CTNND2: variants seen among roughly 807,000 people sequenced by gnomAD.
CTNND2 encodes catenin delta-2.
A neutral mutation model predicts 144.4 loss-of-function variants in CTNND2; 22 were observed. The observed-to-expected ratio is 0.15, with a 90% CI of 0.11 to 0.22. CTNND2 has a LOEUF of 0.22. CTNND2 is among the 10% of genes least tolerant of loss of function. The probability of loss-of-function intolerance (pLI) is 1.00; values close to 1 mark genes in which losing one functional copy is unlikely to be tolerated. For synonymous variants in CTNND2, 751 were observed against 695.6 expected, an observed-to-expected ratio of 1.08 and a Z score of -1.25; for missense variants, 1,353 against 1,618.8, an observed-to-expected ratio of 0.84 and a Z score of 2.82.
At chr5:11,200,507 C>T (rs1031852255) in intron 10 of CTNND2, among the ~76,000 whole-genome samples, 10 of 152,164 alleles carry the variant, frequency 6.6e-5, no homozygotes, top group African/African-American at 1.9e-4. Context: ...GAGCATGATT[C>T]GTGCAGGAAT....
At chr5:11,252,879 T>C (rs1365436738) in intron 9 of CTNND2, among the ~76,000 whole-genome samples, 1 of 152,240 alleles carries the variant, frequency 6.6e-6, no homozygotes, top group Non-Finnish European at 1.5e-5. Flanking sequence ...ACTAACACCA[T>C]GTTTCTTATG....
At chr5:11,299,035 T>C (rs1749301337) in intron 9 of CTNND2, among the ~76,000 whole-genome samples, 5 of 152,170 alleles carry the variant, frequency 3.3e-5, no homozygotes, top group Non-Finnish European at 5.9e-5. Flanking sequence ...AACACATAAA[T>C]GCTCACTCTG....
intron 2 of CTNND2, among the ~76,000 whole-genome samples, chr5:11,602,304 G>T (rs1164555352): frequency 6.6e-6 from 1 of 152,136 alleles, no homozygotes. Flanking sequence ...CTGGTACCAA[G>T]AACTCAATGA....
At position 11,124,608 on chromosome 5, in the gene CTNND2, C is replaced by T. The variant is rs28546388; in HGVS notation, c.2160-7041G>A. On this transcript the variant is annotated intron_variant, in intron 12 of 21. Coordinates refer to ENST00000304623, the MANE Select transcript of CTNND2 (RefSeq NM_001332.4). ...CAGGGTTTCTGCCACTTTTTCTTCTCTCCTCCTCTTTCTCCTTCTTTCAAC... is the reference window on the plus strand; with the variant it reads ...CAGGGTTTCTGCCACTTTTTCTTCTTTCCTCCTCTTTCTCCTTCTTTCAAC... Among the ~76,000 whole-genome samples the T allele has an allele frequency of 2.5e-3, 385 of 152,250 alleles. 1 individual carries two copies. The highest frequency in any genetic ancestry group is 8.4e-3 in the African/African-American group (348 of 41,520).
chr5:11,239,252 TC>T (rs1485536578), intron 9 of CTNND2, among the ~76,000 whole-genome samples: 2 of 152,274 alleles, frequency 1.3e-5, no homozygotes, highest in African/African-American at 4.8e-5. Flanking sequence ...GTTTAGGGGC[TC>T]TTTGCACACA....
At chr5:11,254,601 C>T (rs1744028771) in intron 9 of CTNND2, among the ~76,000 whole-genome samples, 1 of 152,164 alleles carries the variant, frequency 6.6e-6, no homozygotes, top group Non-Finnish European at 1.5e-5. Flanking sequence ...AGGAAATGCC[C>T]ATTTCCTAGG....
At chr5:11,154,071 T>C (rs1757995630) in intron 12 of CTNND2, among the ~76,000 whole-genome samples, 1 of 152,178 alleles carries the variant, frequency 6.6e-6, no homozygotes, top group African/African-American at 2.4e-5. Context: ...AAATGGGAAA[T>C]GCAGTCATGT....
At chr5:11,656,671 G>T (rs568213106) in intron 2 of CTNND2, among the ~76,000 whole-genome samples, 1 of 152,030 alleles carries the variant, frequency 6.6e-6, no homozygotes, top group Admixed American at 6.6e-5. Context: ...CTCTCTTATC[G>T]CAGGTGAGTG....
intron 3 of CTNND2, among the ~76,000 whole-genome samples, chr5:11,441,428 G>A (rs1000219925): frequency 6.8e-6 from 1 of 146,646 alleles, no homozygotes; most frequent in African/African-American, 2.5e-5. Flanking sequence ...GCCCAGGCTG[G>A]AGTGTAGTGG....
At chr5:10,997,418 C>A (rs748363835) in intron 18 of CTNND2, among the ~76,000 whole-genome samples, 1 of 151,884 alleles carries the variant, frequency 6.6e-6, no homozygotes, top group Non-Finnish European at 1.5e-5. Flanking sequence ...ATGGTGAAAC[C>A]CCGTCTTTAC....
chr5:11,394,322 C>T (rs1759882570), intron 6 of CTNND2, among the ~76,000 whole-genome samples: 2 of 152,204 alleles, frequency 1.3e-5, no homozygotes, highest in African/African-American at 4.8e-5. Context: ...GGGCTCATGG[C>T]ATCAATTGGC....
chr5:11,359,304 G>C (rs1756209840), intron 8 of CTNND2, among the ~76,000 whole-genome samples: 1 of 152,136 alleles, frequency 6.6e-6, no homozygotes, highest in African/African-American at 2.4e-5. Flanking sequence ...AGGTATAAAT[G>C]CCCAAATATT....
At chr5:11,261,890 T>C (rs553757418) in intron 9 of CTNND2, among the ~76,000 whole-genome samples, 2 of 152,222 alleles carry the variant, frequency 1.3e-5, no homozygotes, top group African/African-American at 4.8e-5. Context: ...AACAACTCAA[T>C]GACTACTCAG....
chr5:11,180,833 A>G (rs1267727609), intron 11 of CTNND2, among the ~76,000 whole-genome samples: 2 of 152,212 alleles, frequency 1.3e-5, no homozygotes, highest in Non-Finnish European at 2.9e-5. Flanking sequence ...CAACTCCTAT[A>G]AAGAGTTCCC....
At chr5:11,353,879 A>T (rs965445898) in intron 8 of CTNND2, among the ~76,000 whole-genome samples, 3 of 152,184 alleles carry the variant, frequency 2.0e-5, no homozygotes, top group African/African-American at 7.2e-5. Context: ...ATCTCCTTCA[A>T]TTGAAGACAG....
At chr5:11,046,543 G>C (rs560085298) in intron 16 of CTNND2, among the ~76,000 whole-genome samples, 1 of 152,092 alleles carries the variant, frequency 6.6e-6, no homozygotes, top group Non-Finnish European at 1.5e-5. Flanking sequence ...GTTTAGGTAC[G>C]TTTCAGAGCT....
intron 7 of CTNND2, among the ~76,000 whole-genome samples, chr5:11,368,553 C>T (rs1757184117): frequency 6.6e-6 from 1 of 152,176 alleles, no homozygotes; most frequent in Non-Finnish European, 1.5e-5. Flanking sequence ...ACGTTTAATC[C>T]TTGGCTCTCA....
intron 3 of CTNND2, among the ~76,000 whole-genome samples, chr5:11,413,628 A>G (rs979471280): frequency 1.1e-4 from 16 of 152,140 alleles, no homozygotes; most frequent in Non-Finnish European, 2.1e-4. Flanking sequence ...TTGGGGCCCT[A>G]CTAGAGACCT....
chr5:11,443,771 A>G (rs1314369752), intron 3 of CTNND2, among the ~76,000 whole-genome samples: 1 of 152,020 alleles, frequency 6.6e-6, no homozygotes, highest in Non-Finnish European at 1.5e-5. Context: ...AATCTCTGCT[A>G]TCTCTCAAAA....
Sources: gnomAD v4.1 joint callset for allele counts (sites outside exome capture counted in the v4.1 genomes callset) on GRCh38, gnomAD v4.1.1 for gene constraint, MANE v1.5 for transcripts, NCBI Gene and HGNC (gene_info 2026-07-23, HGNC 2026-07-21) for gene names.